Variants in CYP19A1 observed in about 807,000 individuals in gnomAD.
CYP19A1 encodes the protein aromatase.
A neutral mutation model predicts 44.4 loss-of-function variants in CYP19A1; 32 were observed. The observed-to-expected ratio is 0.72, with a 90% CI of 0.54 to 0.97. The LOEUF (loss-of-function observed/expected upper bound fraction) is 0.97, where lower values mean the gene tolerates loss of function less well. CYP19A1 is among the 50% of genes least tolerant of loss of function. CYP19A1 has a pLI of 0.00. For missense variants in CYP19A1, 598 were observed against 637.8 expected, an observed-to-expected ratio of 0.94 and a Z score of 0.67; for synonymous variants, 212 against 215.6, an observed-to-expected ratio of 0.98 and a Z score of 0.14.
intron 1 of CYP19A1, among the ~76,000 whole-genome samples, chr15:51,294,245 C>T (rs2035921997): frequency 7.3e-6 from 1 of 137,008 alleles, no homozygotes; most frequent in Admixed American, 6.9e-5. Context: ...TCTTCCCGGC[C>T]ACCATCCCAT....
Position 51,227,833 on chromosome 15 carries a change from T to C in CYP19A1, c.397A>G (p.Ile133Val). 2 of 1,542,270 alleles carry C rather than the reference T, an allele frequency of 1.3e-6. No individual in the cohort carries two copies. Among genetic ancestry groups the C allele is most frequent in the Non-Finnish European group, 1.8e-6 (2 of 1,114,560 alleles). The change falls in exon 4 of 10, where the codon ATA (isoleucine) becomes GTA (valine). Residue 133 changes from isoleucine (I) to valine (V), a missense_variant. Physicochemically the swap from Ile to Val is conservative, Grantham distance 29. Coordinates refer to ENST00000396402, the MANE Select transcript of CYP19A1 (RefSeq NM_000103.4). The part of the protein sequence containing the change: ...QCIGMHEKGI[I>V]FNNNPELWKT... The stretch of plus-strand genomic sequence containing the variant: ...CAGAGCTCTGGATTGTTGTTAAATA[T>C]GATGCCTTTCTCATGCATACCGATG...
intron 1 of CYP19A1, chr15:51,320,502 G>A (rs1018010586): frequency 6.6e-6 from 1 of 152,282 alleles, no homozygotes; most frequent in Non-Finnish European, 1.5e-5. Flanking sequence ...TGCCAGGTGA[G>A]TGAGGAGACC....
intron 1 of CYP19A1, among the ~76,000 whole-genome samples, chr15:51,276,495 A>G (rs2035315509): frequency 6.6e-6 from 1 of 152,268 alleles, no homozygotes; most frequent in African/African-American, 2.4e-5. Context: ...ACTACAGTAC[A>G]GTTAAAACTG....
intron 4 of CYP19A1, among the ~76,000 whole-genome samples, chr15:51,223,050 T>C (rs993096917): frequency 2.6e-5 from 4 of 152,210 alleles, no homozygotes; most frequent in African/African-American, 9.7e-5. Context: ...TCCCCCAAAG[T>C]GCCCTTCTCT....
chr15:51,284,888 A>G (rs1047039960), intron 1 of CYP19A1, among the ~76,000 whole-genome samples: 6 of 152,218 alleles, frequency 3.9e-5, no homozygotes, highest in African/African-American at 1.4e-4. Flanking sequence ...CTGAAGATCT[A>G]TCATGAGCCA....
chr15:51,327,460 T>C (rs1168813541), intron 1 of CYP19A1, among the ~76,000 whole-genome samples: 1 of 151,884 alleles, frequency 6.6e-6, no homozygotes, highest in East Asian at 1.9e-4. Flanking sequence ...CATTCACTCA[T>C]CCATCCATTC....
intron 1 of CYP19A1, among the ~76,000 whole-genome samples, chr15:51,245,696 AAG>A (rs1487253475): frequency 2.0e-5 from 3 of 152,260 alleles, no homozygotes; most frequent in Non-Finnish European, 2.9e-5. Flanking sequence ...CCCCATCAAA[AAG>A]AATATTTTTT....
intron 1 of CYP19A1, among the ~76,000 whole-genome samples, chr15:51,262,052 C>G (rs1286301577): frequency 6.6e-6 from 1 of 152,136 alleles, no homozygotes; most frequent in African/African-American, 2.4e-5. Context: ...CCATAATGCC[C>G]ATGCTGAAGG....
intron 1 of CYP19A1, among the ~76,000 whole-genome samples, chr15:51,295,938 C>T (rs1450850072): frequency 6.6e-6 from 1 of 152,102 alleles, no homozygotes; most frequent in Non-Finnish European, 1.5e-5. Flanking sequence ...TCTGGGAGCA[C>T]ATGAACGTTC....
chr15:51,331,249 G>A (rs2036696333), intron 1 of CYP19A1, among the ~76,000 whole-genome samples: 1 of 152,210 alleles, frequency 6.6e-6, no homozygotes, highest in Non-Finnish European at 1.5e-5. Context: ...ACTCATCACA[G>A]GCAGCACTGA....
intron 9 of CYP19A1, among the ~76,000 whole-genome samples, chr15:51,211,466 T>C (rs907686176): frequency 1.3e-5 from 2 of 152,232 alleles, no homozygotes; most frequent in Non-Finnish European, 2.9e-5. Flanking sequence ...TCCTGGCCTA[T>C]TCAGTGCCAA....
intron 1 of CYP19A1, among the ~76,000 whole-genome samples, chr15:51,256,616 T>C (rs2034526196): frequency 6.6e-6 from 1 of 152,180 alleles, no homozygotes; most frequent in Non-Finnish European, 1.5e-5. Context: ...AATAGACCTG[T>C]AACCTTGGCT....
chr15:51,296,080 G>A (rs1278768830), intron 1 of CYP19A1, among the ~76,000 whole-genome samples: 1 of 152,028 alleles, frequency 6.6e-6, no homozygotes, highest in Admixed American at 6.6e-5. Flanking sequence ...AGGCCAGAGA[G>A]GCTGGGGCCT....
At chr15:51,213,575 G>T (rs1028502496) in intron 8 of CYP19A1, among the ~76,000 whole-genome samples, 8 of 152,160 alleles carry the variant, frequency 5.3e-5, no homozygotes, top group Non-Finnish European at 7.3e-5. Flanking sequence ...GTGACCAAAG[G>T]TGCTCACTAG....
At chr15:51,239,834 G>C (rs1306522133) in intron 2 of CYP19A1, among the ~76,000 whole-genome samples, 1 of 152,174 alleles carries the variant, frequency 6.6e-6, no homozygotes, top group Non-Finnish European at 1.5e-5. Flanking sequence ...AAGAAAAAGA[G>C]GAATGTCAGT....
At chr15:51,216,575 C>G (rs1681232190) in intron 6 of CYP19A1, among the ~76,000 whole-genome samples, 1 of 152,156 alleles carries the variant, frequency 6.6e-6, no homozygotes, top group African/African-American at 2.4e-5. Context: ...TTTTATTTGC[C>G]TAGTCCTGAA....
intron 1 of CYP19A1, among the ~76,000 whole-genome samples, chr15:51,253,372 G>A (rs1262620893): frequency 2.0e-5 from 3 of 152,212 alleles, no homozygotes; most frequent in African/African-American, 7.2e-5. Context: ...TCCCTAAAGA[G>A]CTATATGCCT....
intron 3 of CYP19A1, among the ~76,000 whole-genome samples, chr15:51,234,720 C>T (rs2033271422): frequency 6.6e-6 from 1 of 152,130 alleles, no homozygotes; most frequent in African/African-American, 2.4e-5. Flanking sequence ...CTTCCTCCTC[C>T]ACCCTCTCTC....
At chr15:51,275,400 T>TA (rs2035272272) in intron 1 of CYP19A1, among the ~76,000 whole-genome samples, 1 of 152,370 alleles carries the variant, frequency 6.6e-6, no homozygotes. Flanking sequence ...GCTTTTGCTT[T>TA]ACTAAGACCA....
Sources: gnomAD v4.1 joint callset for allele counts (sites outside exome capture counted in the v4.1 genomes callset) on GRCh38, gnomAD v4.1.1 for gene constraint, MANE v1.5 for transcripts, NCBI Gene and HGNC (gene_info 2026-07-23, HGNC 2026-07-21) for gene names.